RAB12: variants seen among roughly 807,000 people sequenced by gnomAD.
The protein encoded by RAB12 is RAB12, member RAS oncogene family.
A neutral mutation model predicts 28.4 loss-of-function variants in RAB12; 11 were observed. The ratio of observed to expected loss-of-function variants is 0.39; its 90% CI spans 0.24 to 0.64. The LOEUF is 0.64. RAB12 is among the 30% of genes least tolerant of loss of function. The pLI is 0.50. For synonymous variants in RAB12, 138 were observed against 145.3 expected (o/e 0.95, Z 0.36); for missense variants, 276 against 351.1 (o/e 0.79, Z 1.71).
chr18:8,629,685 G>A (rs1325429593), intron 2 of RAB12, among the ~76,000 whole-genome samples: 1 of 152,212 alleles, frequency 6.6e-6, no homozygotes, highest in African/African-American at 2.4e-5. Context: ...TGACAATAAG[G>A]CATCACTGAT....
chr18:8,627,558 A>G (rs1302809429), intron 2 of RAB12, among the ~76,000 whole-genome samples: 1 of 152,244 alleles, frequency 6.6e-6, no homozygotes, highest in Non-Finnish European at 1.5e-5. Context: ...GTATTTCTAC[A>G]TGAATGTTAG....
intron 2 of RAB12, among the ~76,000 whole-genome samples, chr18:8,630,361 A>G (rs1208070885): frequency 1.3e-5 from 2 of 152,224 alleles, no homozygotes; most frequent in Non-Finnish European, 2.9e-5. Context: ...GTTATTATCT[A>G]TAGAAAGCAA....
At chr18:8,615,329 G>A (rs1451082696) in intron 1 of RAB12, among the ~76,000 whole-genome samples, 1 of 152,210 alleles carries the variant, frequency 6.6e-6, no homozygotes, top group Non-Finnish European at 1.5e-5. Flanking sequence ...ACTTAGGGCA[G>A]AGATTTTTGT....
chr18:8,622,181 T>C (rs938989898), intron 1 of RAB12, among the ~76,000 whole-genome samples: 4 of 152,168 alleles, frequency 2.6e-5, no homozygotes, highest in Non-Finnish European at 2.9e-5. Flanking sequence ...AAAAGAAATA[T>C]CATCTGCCAG....
intron 4 of RAB12, 105 bp from the exon 5 acceptor site, chr18:8,636,148 C>G (rs2096018767): frequency 4.1e-6 from 3 of 736,204 alleles, no homozygotes; most frequent in Non-Finnish European, 7.3e-6. Flanking sequence ...GACTTTCTAC[C>G]CCTTAATCCC....
chr18:8,628,696 C>A (rs1443160107), intron 2 of RAB12, among the ~76,000 whole-genome samples: 1 of 152,200 alleles, frequency 6.6e-6, no homozygotes, highest in Non-Finnish European at 1.5e-5. Flanking sequence ...TAATGGTGAG[C>A]TTCTTAATGT....
chr18:8,611,498 A>G (rs1431251460), intron 1 of RAB12, among the ~76,000 whole-genome samples: 3 of 152,092 alleles, frequency 2.0e-5, no homozygotes, highest in Non-Finnish European at 4.4e-5. Flanking sequence ...GAGAGGAAGA[A>G]GGATTTTCTA....
Position 8,609,940 on chromosome 18 carries a change from C to T in RAB12, c.501C>T (p.Cys167=). 1 of 1,608,154 alleles carries T rather than the reference C, an allele frequency of 6.2e-7. No individual in the cohort carries two copies. The highest frequency in any genetic ancestry group is 2.3e-5 in the East Asian group (1 of 44,384). Residue 167 remains cysteine (C), a synonymous_variant, in exon 1 of 6, where the codon TGC becomes TGT. Transcript: ENST00000649141. ...RFTDDTFCEA[C]KSTVGVDFKI... ...CCGACGACACCTTCTGCGAGGCCTG[C>T]AAGTCCACCGTGGGTAAGGGCGCCA...
At chr18:8,618,209 G>T (rs1302735625) in intron 1 of RAB12, among the ~76,000 whole-genome samples, 1 of 152,096 alleles carries the variant, frequency 6.6e-6, no homozygotes, top group African/African-American at 2.4e-5. Flanking sequence ...TGTGTACAGG[G>T]TGGGCTTTAT....
intron 2 of RAB12, among the ~76,000 whole-genome samples, chr18:8,630,513 G>C (rs1240255683): frequency 2.0e-5 from 3 of 152,202 alleles, no homozygotes; most frequent in African/African-American, 7.2e-5. Flanking sequence ...GGAGGGTAGA[G>C]TGAGGAATGT....
chr18:8,638,333 T>G lies in RAB12; in HGVS notation c.*71T>G. 1 of 1,058,096 alleles carries G rather than the reference T, an allele frequency of 9.5e-7. No homozygotes were observed. The highest frequency in any genetic ancestry group is 2.4e-5 in the East Asian group (1 of 41,254). 65.5% of individuals were successfully genotyped at this position (1,058,096 alleles called of 1,614,324 possible). A position where few individuals can be genotyped will look rare whatever the true frequency, so the allele number is the denominator to read the frequency against. On this transcript the variant is annotated 3_prime_UTR_variant, in exon 6 of 6. Transcript: ENST00000649141. ...AAAAACGTTCTATTCTGCACTACAA[T>G]CATTTTGACAATTTCCTTTCGCACT...
At chr18:8,615,524 A>G (rs1345595004) in intron 1 of RAB12, among the ~76,000 whole-genome samples, 1 of 152,244 alleles carries the variant, frequency 6.6e-6, no homozygotes, top group Non-Finnish European at 1.5e-5. Flanking sequence ...GCAGCCCTGC[A>G]GTGTGGTTTT....
rs890121457 is a variant in RAB12 at position 8,609,797 on chromosome 18, C to G, written c.358C>G (p.Leu120Val). The change falls in exon 1 of 6, where the codon CTG (leucine) becomes GTG (valine). Residue 120 changes from leucine to valine, a missense_variant. By Grantham distance (32) the Leu-to-Val change is conservative (BLOSUM62 1). Around this residue, in one of 4 missense-constraint regions of RAB12, gnomAD observed 76 missense variants for 117.9 expected, o/e 0.64. Transcript: ENST00000649141. ...CGGTCTGGGCGCGGGCTCCCCGGCG[C>G]TGTCGGGCGGCCAGGGCCGCCGGAG... Reference protein sequence around the residue: ...GGGLGAGSPALSGGQGRRRKQ... With the variant: ...GGGLGAGSPAVSGGQGRRRKQ... 4.9e-6 allele frequency: 7 copies of G among 1,414,294 alleles called. No homozygotes were observed. The highest frequency in any genetic ancestry group is 6.5e-6 in the Non-Finnish European group (7 of 1,084,512). The allele number at this position is 1,414,294 out of a possible 1,614,324, so 87.6% of individuals were successfully genotyped here. A position where few individuals can be genotyped will look rare whatever the true frequency, so the allele number is the denominator to read the frequency against.
chr18:8,618,219 T>C (rs1311573941), intron 1 of RAB12, among the ~76,000 whole-genome samples: 1 of 152,112 alleles, frequency 6.6e-6, no homozygotes, highest in East Asian at 1.9e-4. Flanking sequence ...GTGGGCTTTA[T>C]TTGCTGGGTG....
Position 8,609,695 on chromosome 18 carries a change from G to A in RAB12, c.256G>A (p.Gly86Arg). The A allele has an allele frequency of 1.0e-6, 1 of 972,484 alleles. No individual in the cohort carries two copies. The highest frequency in any genetic ancestry group is 1.2e-6 in the Non-Finnish European group (1 of 817,814). 60.2% of individuals were successfully genotyped at this position (972,484 alleles called of 1,614,324 possible). A position where few individuals can be genotyped will look rare whatever the true frequency, so the allele number is the denominator to read the frequency against. The part of the protein sequence containing the change: ...GARSRGAGGG[G>R]RRAEREPHAC... Reference sequence around the variant, plus strand: ...GCGCAGCCGGGGGGCGGGCGGCGGCGGGCGGCGGGCCGAGCGGGAGCCGCA... The same window carrying A: ...GCGCAGCCGGGGGGCGGGCGGCGGCAGGCGGCGGGCCGAGCGGGAGCCGCA... The change falls in exon 1 of 6, where the codon GGG becomes AGG. Residue 86 changes from glycine to arginine, a missense_variant. Physicochemically the swap from Gly to Arg is moderately radical, Grantham distance 125. This residue lies in a region of RAB12 where 72 missense variants were observed against 55.5 expected (regional missense o/e 1.30). Coordinates refer to ENST00000649141, the MANE Select transcript of RAB12 (RefSeq NM_001025300.3).
intron 2 of RAB12, among the ~76,000 whole-genome samples, chr18:8,632,000 A>G (rs546406751): frequency 1.3e-5 from 2 of 152,284 alleles, no homozygotes; most frequent in African/African-American, 4.8e-5. Flanking sequence ...AAGTAATTGG[A>G]GGCTGGGCTG....
In RAB12 at chr18:8,638,835, T is replaced by C. The variant is rs2096020479; in HGVS notation, c.*573T>C. ...ATGTTACATAATGGTAGAATATTACTAGTTAGAGGGTTGGATTTGACTTGG... is the reference window on the plus strand; with the variant it reads ...ATGTTACATAATGGTAGAATATTACCAGTTAGAGGGTTGGATTTGACTTGG... On this transcript the variant is annotated 3_prime_UTR_variant, in exon 6 of 6. Transcript: ENST00000649141. 1 of 152,732 alleles carries C rather than the reference T, an allele frequency of 6.5e-6. No homozygotes were observed. The highest frequency in any genetic ancestry group is 2.4e-5 in the African/African-American group (1 of 41,444). 9.5% of individuals were successfully genotyped at this position (152,732 alleles called of 1,614,324 possible). A position where few individuals can be genotyped will look rare whatever the true frequency, so the allele number is the denominator to read the frequency against.
At chr18:8,636,675 C>T (rs1464918819) in intron 5 of RAB12, among the ~76,000 whole-genome samples, 1 of 152,120 alleles carries the variant, frequency 6.6e-6, no homozygotes, top group Non-Finnish European at 1.5e-5. Flanking sequence ...CCCCGTTTTT[C>T]TGTGAGAATT....
At chr18:8,622,821 C>G (rs758986564) in intron 1 of RAB12, among the ~76,000 whole-genome samples, 1 of 152,148 alleles carries the variant, frequency 6.6e-6, no homozygotes, top group African/African-American at 2.4e-5. Context: ...CAGGGCCCCC[C>G]GCCACCCCGT....
Sources: gnomAD v4.1 joint callset for allele counts (sites outside exome capture counted in the v4.1 genomes callset) on GRCh38, gnomAD v4.1.1 for gene constraint, gnomAD v4.1.1 regional missense constraint, MANE v1.5 for transcripts, NCBI Gene and HGNC (gene_info 2026-07-23, HGNC 2026-07-21) for gene names.